Variants in HSD17B1 observed in about 807,000 individuals in gnomAD.
HSD17B1 encodes 17-beta-hydroxysteroid dehydrogenase type 1.
Under a neutral mutation model 22.7 loss-of-function variants are expected in HSD17B1, and 16 were observed. The ratio of observed to expected loss-of-function variants is 0.71; its 90% CI spans 0.48 to 1.07. The LOEUF (loss-of-function observed/expected upper bound fraction) is 1.07, where lower values mean the gene tolerates loss of function less well. Ranked by LOEUF, HSD17B1 falls within the 50% of genes least tolerant of loss-of-function variation. The pLI, the probability that HSD17B1 is intolerant of heterozygous loss-of-function variation, is 0.00. For synonymous variants in HSD17B1, 243 were observed against 211.0 expected, an observed-to-expected ratio of 1.15 and a Z score of -1.31; for missense variants, 533 against 459.9, an observed-to-expected ratio of 1.16 and a Z score of -1.45.
rs2092950878 is a variant in HSD17B1 at position 42,553,473 on chromosome 17, G to A, written c.300G>A (p.Leu100=). 2 of 1,613,338 alleles carry A rather than the reference G, an allele frequency of 1.2e-6. No homozygotes were observed. The highest frequency in any genetic ancestry group is 1.7e-6 in the Non-Finnish European group (2 of 1,179,760). The change falls in exon 3 of 6, where the codon CTG becomes CTA. Residue 100 remains leucine (L), a synonymous_variant. Transcript: ENST00000585807. ...CNAGLGLLGP[L]EALGEDAVAS... Reference sequence around the variant, plus strand: ...CAGGCCTGGGCCTGCTGGGGCCGCTGGAGGCGCTGGGGGAGGACGCCGTGG... The same window carrying A: ...CAGGCCTGGGCCTGCTGGGGCCGCTAGAGGCGCTGGGGGAGGACGCCGTGG...
At position 42,553,127 on chromosome 17, in the gene HSD17B1, A is replaced by G; in HGVS notation, c.101A>G (p.Tyr34Cys). 1 of 1,613,934 alleles carries G rather than the reference A, an allele frequency of 6.2e-7. No individual in the cohort carries two copies. The highest frequency in any genetic ancestry group is 8.5e-7 in the Non-Finnish European group (1 of 1,180,014). Residue 34 changes from tyrosine (Y) to cysteine (C), a missense_variant, in exon 2 of 6, where the codon TAT becomes TGT. By Grantham distance (194) the Tyr-to-Cys change is radical (BLOSUM62 -2). Coordinates refer to ENST00000585807, the MANE Select transcript of HSD17B1 (RefSeq NM_000413.4). ...ASDPSQSFKV[Y>C]ATLRDLKTQG... ...CCTCCTCTCCCAAAACCTCCAGTGT[A>G]TGCCACGTTGAGGGACCTGAAAACA... is the stretch of plus-strand genomic sequence containing the variant.
chr17:42,552,943 A>G lies in HSD17B1; in HGVS notation c.10A>G (p.Thr4Ala), dbSNP rs764683182. The change falls in exon 1 of 6, where the codon ACC (threonine) becomes GCC (alanine). Residue 4 changes from threonine to alanine, a missense_variant. By Grantham distance (58) the Thr-to-Ala change is moderately conservative. Coordinates refer to ENST00000585807, the MANE Select transcript of HSD17B1 (RefSeq NM_000413.4). ...TCCCCACAGTCTCACCATGGCCCGC[A>G]CCGTGGTGCTCATCACCGGCTGTTC... Reference protein sequence around the residue: MARTVVLITGCSSG... With the variant: MARAVVLITGCSSG... 6.2e-7 allele frequency: 1 copy of G among 1,613,912 alleles called. No homozygotes were observed. The highest frequency in any genetic ancestry group is 8.5e-7 in the Non-Finnish European group (1 of 1,179,990).
chr17:42,554,180 G>T, intron 4 of HSD17B1: 1 of 695,784 alleles, frequency 1.4e-6, no homozygotes, highest in Non-Finnish European at 2.4e-6. Context: ...CTGACACCAG[G>T]GCTCCCTTGT....
Position 42,555,012 on chromosome 17 carries a change from C to G in HSD17B1, c.*74C>G. The G allele has an allele frequency of 1.4e-6, 2 of 1,408,104 alleles. No individual in the cohort carries two copies. The highest frequency in any genetic ancestry group is 5.5e-5 in the East Asian group (2 of 36,484). 87.2% of individuals were successfully genotyped at this position (1,408,104 alleles called of 1,614,324 possible). ...TGTGTGGTCCCTGGGGATGGGGCGG[C>G]GGTAGCAGCTGTGGGTGGCTAATTA... On this transcript the variant is annotated 3_prime_UTR_variant, in exon 6 of 6. Coordinates refer to ENST00000585807, the MANE Select transcript of HSD17B1 (RefSeq NM_000413.4).
chr17:42,554,113 G>T, intron 4 of HSD17B1: 1 of 636,648 alleles, frequency 1.6e-6, no homozygotes, highest in Non-Finnish European at 2.7e-6. Flanking sequence ...AGCCCAGAGA[G>T]GTTAGGTGAC....
chr17:42,554,002 A>T (rs1330478890), intron 4 of HSD17B1, 115 bp downstream of exon 4: 2 of 937,864 alleles, frequency 2.1e-6, no homozygotes, highest in African/African-American at 3.3e-5. Flanking sequence ...TGCCCGGCTC[A>T]CATTAGCTGT....
Position 42,554,845 on chromosome 17 carries a change from TGGGGGCGGGGCC to T in HSD17B1, c.898_909del (p.Gly300_Gly303del), listed in dbSNP as rs750632786. 3.2e-5 allele frequency: 51 copies of T among 1,590,886 alleles called. No individual in the cohort carries two copies. The highest frequency in any genetic ancestry group is 4.3e-5 in the Non-Finnish European group (50 of 1,175,768). ...CAAAGGCCGAGGCTGGGGCCGAGGC[TGGGGGCGGGGCC>T]GGGCCTGGGGCAGAGGACGAGGCCG... On this transcript the variant is annotated inframe_deletion, in exon 6 of 6. Coordinates refer to ENST00000585807, the MANE Select transcript of HSD17B1 (RefSeq NM_000413.4).
At chr17:42,553,338 T>G in intron 2 of HSD17B1, 47 bp downstream of exon 2, 1 of 1,602,920 alleles carries the variant, frequency 6.2e-7, no homozygotes, top group Non-Finnish European at 8.5e-7. Flanking sequence ...TTCTCCGCCC[T>G]GCGTTGAAAC....
rs1221511514 is a variant in HSD17B1 at position 42,553,208 on chromosome 17, A to G, written c.182A>G (p.Glu61Gly). The G allele has an allele frequency of 6.2e-7, 1 of 1,613,692 alleles. No individual in the cohort carries two copies. Among genetic ancestry groups the G allele is most frequent in the Admixed American group, 1.7e-5 (1 of 60,032 alleles). Residue 61 changes from glutamate to glycine, a missense_variant, in exon 2 of 6, where the codon GAG (glutamate) becomes GGG (glycine). Glu to Gly is a moderately conservative substitution (Grantham distance 98, BLOSUM62 -2). Transcript: ENST00000585807. ...CTGGCATGCCCTCCGGGATCCCTGG[A>G]GACGTTGCAGCTGGACGTAAGGGAC... Reference protein sequence around the residue: ...RALACPPGSLETLQLDVRDSK... With the variant: ...RALACPPGSLGTLQLDVRDSK...
At position 42,553,822 on chromosome 17, in the gene HSD17B1, C is replaced by T. The variant is rs377154591; in HGVS notation, c.474C>T (p.Ala158=). The T allele has an allele frequency of 3.1e-6, 5 of 1,613,296 alleles. No individual in the cohort carries two copies. The highest frequency in any genetic ancestry group is 1.6e-4 in the Middle Eastern group (1 of 6,082). ...MGLPFNDVYC[A]SKFALEGLCE... is the part of the protein sequence containing the mutation. The stretch of plus-strand genomic sequence containing the variant: ...TGCCTTTCAATGACGTTTATTGCGC[C>T]AGCAAGTTCGCGCTCGAAGGCTTAT... The change falls in exon 4 of 6, where the codon GCC becomes GCT. Residue 158 remains alanine (A), a synonymous_variant. Coordinates refer to ENST00000585807, the MANE Select transcript of HSD17B1 (RefSeq NM_000413.4).
Position 42,553,012 on chromosome 17 carries a change from C to T in HSD17B1, c.79C>T (p.Pro27Ser). The T allele has an allele frequency of 6.2e-7, 1 of 1,614,150 alleles. No individual in the cohort carries two copies. The highest frequency in any genetic ancestry group is 8.5e-7 in the Non-Finnish European group (1 of 1,180,010). ...LHLAVRLASD[P>S]SQSFKVYATL... Reference sequence around the variant, plus strand: ...CTTGGCCGTACGTCTGGCTTCAGATCCATCCCAGAGCTTCAAAGGTATAGA... The same window carrying T: ...CTTGGCCGTACGTCTGGCTTCAGATTCATCCCAGAGCTTCAAAGGTATAGA... Residue 27 changes from proline (P) to serine (S), a missense_variant, in exon 1 of 6, where the codon CCA (proline) becomes TCA (serine). By Grantham distance (74) the Pro-to-Ser change is moderately conservative (BLOSUM62 -1). Transcript: ENST00000585807.
chr17:42,554,284 C>A, intron 4 of HSD17B1, 121 bp from the exon 5 acceptor site: 1 of 1,352,188 alleles, frequency 7.4e-7, no homozygotes, highest in Non-Finnish European at 9.8e-7. Context: ...CACTTCCCAG[C>A]GCAGCGGTGC....
intron 2 of HSD17B1, 63 bp from the exon 3 acceptor site, chr17:42,553,376 G>T: frequency 6.2e-7 from 1 of 1,605,366 alleles, no homozygotes; most frequent in South Asian, 1.1e-5. Flanking sequence ...CAGGGAGCAC[G>T]AGGGGACAGG....
rs199745930 is a variant in HSD17B1, at chr17:42,553,397, G to A, written c.266-42G>A. On this transcript the variant is annotated intron_variant, in intron 2 of 5. Coordinates refer to ENST00000585807, the MANE Select transcript of HSD17B1 (RefSeq NM_000413.4). ...GCACGAGGGGACAGGCCGTGCTGAG[G>A]GTGATGCTGAGGCGGGCTGGTCGGG... The A allele has an allele frequency of 4.7e-4, 761 of 1,608,092 alleles. 3 individuals carry two copies. The African/African-American group carries it at 9.3e-3, about 20-fold the overall frequency.
intron 5 of HSD17B1, 31 bp downstream of exon 5, chr17:42,554,613 G>A: frequency 6.2e-7 from 1 of 1,608,492 alleles, no homozygotes; most frequent in South Asian, 1.1e-5. Flanking sequence ...CAGGAGTGGG[G>A]GCGGTGCGTC....
At chr17:42,553,745 G>A (rs778921822) in intron 3 of HSD17B1, 49 bp from the exon 4 acceptor site, 8 of 1,601,888 alleles carry the variant, frequency 5.0e-6, no homozygotes, top group South Asian at 3.3e-5. Context: ...TCTGCCCGGG[G>A]ATGACCCCCT....
chr17:42,554,567 T>C lies in HSD17B1; in HGVS notation c.702T>C (p.Pro234=), dbSNP rs12945667. ...KQVFREAAQN[P]EEVAEVFLTA... is the part of the protein sequence containing the mutation. ...TCTTTCGCGAGGCGGCGCAGAACCCTGAGGAGGTGGCGGAGGTGAGCGCCG... is the reference window on the plus strand; with the variant it reads ...TCTTTCGCGAGGCGGCGCAGAACCCCGAGGAGGTGGCGGAGGTGAGCGCCG... The change falls in exon 5 of 6, where the codon CCT becomes CCC. Residue 234 remains proline (P), a synonymous_variant. Transcript: ENST00000585807. 3.1e-3 allele frequency: 5,058 copies of C among 1,613,552 alleles called. 131 individuals are homozygous for C. In the African/African-American group the frequency reaches 0.058, roughly 19 times the overall value.
chr17:42,554,609 T>C, intron 5 of HSD17B1, 27 bp downstream of exon 5: 3 of 1,608,128 alleles, frequency 1.9e-6, no homozygotes, highest in Non-Finnish European at 2.5e-6. Flanking sequence ...ACTCCAGGAG[T>C]GGGGGCGGTG....
At chr17:42,554,028 G>T in intron 4 of HSD17B1, 141 bp downstream of exon 4, 1 of 785,234 alleles carries the variant, frequency 1.3e-6, no homozygotes, top group South Asian at 1.5e-5. Context: ...AGGCACTTGG[G>T]CTGGGCGCAT....
Sources: gnomAD v4.1 joint callset for allele counts on GRCh38, gnomAD v4.1.1 for gene constraint, MANE v1.5 for transcripts, NCBI Gene and HGNC (gene_info 2026-07-23, HGNC 2026-07-21) for gene names.